Variants in TFR2 observed in about 807,000 individuals in gnomAD.
TFR2 encodes transferrin receptor 2.
A neutral mutation model predicts 91.9 loss-of-function variants in TFR2; 64 were observed. That is an observed-to-expected ratio of 0.70 (90% CI 0.57 to 0.86). The LOEUF is 0.86. Among genes scored for constraint, TFR2 ranks in the 40% least tolerant of loss-of-function variants. The pLI is 0.00. For synonymous variants in TFR2, 454 were observed against 459.6 expected, an observed-to-expected ratio of 0.99 and a Z score of 0.15; for missense variants, 950 against 1,080.5, an observed-to-expected ratio of 0.88 and a Z score of 1.69.
rs937837091 is a variant in TFR2, at chr7:100,632,733, A to G, written c.849+268T>C. The stretch of plus-strand genomic sequence containing the variant: ...CCAGCTAACTAAAAAAAAAAAAAAA[A>G]GAACCTTTTTTTTTTTTTTTTTTTT... On this transcript the variant is annotated intron_variant, in intron 6 of 17. Coordinates refer to ENST00000223051, the MANE Select transcript of TFR2 (RefSeq NM_003227.4). 1,784 of 312,286 alleles carry G rather than the reference A, an allele frequency of 5.7e-3. 7 individuals carry two copies. The highest frequency in any genetic ancestry group is 8.6e-3 in the Non-Finnish European group (1,464 of 170,034). 19.3% of individuals were successfully genotyped at this position (312,286 alleles called of 1,614,324 possible). A position where few individuals can be genotyped will look rare whatever the true frequency, so the allele number is the denominator to read the frequency against.
At chr7:100,621,339 C>T (rs1422183772) in intron 17 of TFR2, among the ~76,000 whole-genome samples, 1 of 152,164 alleles carries the variant, frequency 6.6e-6, no homozygotes, top group Non-Finnish European at 1.5e-5. Flanking sequence ...CTGCAACCTC[C>T]GCCTTCAGCG....
chr7:100,621,315 A>G (rs1432721843), intron 17 of TFR2, among the ~76,000 whole-genome samples, 189 bp from the exon 18 acceptor site: 1 of 152,084 alleles, frequency 6.6e-6, no homozygotes, highest in Non-Finnish European at 1.5e-5. Flanking sequence ...GTGCAGTGGC[A>G]CGATCTCGGC....
At chr7:100,641,383 AC>A in intron 1 of TFR2, 93 bp downstream of exon 1, 1 of 1,554,966 alleles carries the variant, frequency 6.4e-7, no homozygotes, top group South Asian at 1.2e-5. Flanking sequence ...AGGTCAGGAC[AC>A]GGTCCAGGAG....
chr7:100,621,323 G>A (rs1231834725), intron 17 of TFR2, among the ~76,000 whole-genome samples, 197 bp from the exon 18 acceptor site: 1 of 152,086 alleles, frequency 6.6e-6, no homozygotes, highest in Non-Finnish European at 1.5e-5. Context: ...GCACGATCTC[G>A]GCTCACTGCA....
At chr7:100,625,050 T>A (rs1051898799) in intron 17 of TFR2, among the ~76,000 whole-genome samples, 1 of 126,958 alleles carries the variant, frequency 7.9e-6, no homozygotes, top group Non-Finnish European at 1.6e-5. Context: ...TCTTTTTCTT[T>A]TTCTTTTTCT....
At chr7:100,636,287 T>C (rs2131323734) in intron 3 of TFR2, among the ~76,000 whole-genome samples, 1 of 150,616 alleles carries the variant, frequency 6.6e-6, no homozygotes, top group Admixed American at 6.7e-5. Context: ...GTGATTCTCC[T>C]GCCTCAGCCT....
rs1338312960 is a variant in TFR2, at chr7:100,627,830, G to A, written c.1606-10C>T. On this transcript the variant is annotated splice_polypyrimidine_tract_variant and intron_variant, in intron 13 of 17. Coordinates refer to ENST00000223051, the MANE Select transcript of TFR2 (RefSeq NM_003227.4). ...GGTTGGGAGAATCCACCTGGGGGTT[G>A]GGGAAGGGCACTGATCAGGCTCTGC... The A allele has an allele frequency of 6.2e-7, 1 of 1,614,084 alleles. No homozygotes were observed. Among genetic ancestry groups the A allele is most frequent in the African/African-American group, 1.3e-5 (1 of 75,004 alleles).
At chr7:100,641,264 A>C (rs1336999348) in intron 1 of TFR2, 36 bp from the exon 2 acceptor site, 2 of 1,446,142 alleles carry the variant, frequency 1.4e-6, no homozygotes, top group Admixed American at 2.3e-5. Flanking sequence ...TTGGGGCAAG[A>C]GGCCTGGGGG....
At position 100,633,242 on chromosome 7, in the gene TFR2, A is replaced by G. The variant is rs770478928; in HGVS notation, c.713T>C (p.Ile238Thr). ...DPDVYCPYSA[I>T]GNVTGELVYA... is the part of the protein sequence containing the mutation. Reference sequence around the variant, plus strand: ...GGGGGTGCTCACCGTGACGTTGCCGATGGCGCTGTAGGGGCAGTAGACGTC... The same window carrying G: ...GGGGGTGCTCACCGTGACGTTGCCGGTGGCGCTGTAGGGGCAGTAGACGTC... Residue 238 changes from isoleucine to threonine, a missense_variant, in exon 5 of 18, where the codon ATC (isoleucine) becomes ACC (threonine). Ile to Thr is a moderately conservative substitution (Grantham distance 89). Coordinates refer to ENST00000223051, the MANE Select transcript of TFR2 (RefSeq NM_003227.4). 1.2e-6 allele frequency: 2 copies of G among 1,613,538 alleles called. No individual in the cohort carries two copies. The highest frequency in any genetic ancestry group is 1.1e-5 in the South Asian group (1 of 91,082).
chr7:100,625,434 G>GTC (rs71889478), intron 17 of TFR2, among the ~76,000 whole-genome samples: 132,865 of 152,008 alleles, frequency 0.87, 58,398 homozygotes, highest in African/African-American at 0.96. Context: ...AAAGGTGGGT[G>GTC]TTTTTGTCTT....
At chr7:100,622,863 G>C (rs1431401897) in intron 17 of TFR2, among the ~76,000 whole-genome samples, 1 of 152,160 alleles carries the variant, frequency 6.6e-6, no homozygotes, top group Non-Finnish European at 1.5e-5. Context: ...GGAGGCTGAG[G>C]CACAAGAATA....
rs1162723452 is a variant in TFR2, at chr7:100,641,216, G to A, written c.46C>T (p.Pro16Ser). The change falls in exon 2 of 18, where the codon CCA becomes TCA. Residue 16 changes from proline to serine, a missense_variant. Pro to Ser is a moderately conservative substitution (Grantham distance 74). Coordinates refer to ENST00000223051, the MANE Select transcript of TFR2 (RefSeq NM_003227.4). ...TGGTAGACGGTCTGAGAGGATCTTGGGGACAGTTGTTGCTGTGCAGGCGAG... is the reference window on the plus strand; with the variant it reads ...TGGTAGACGGTCTGAGAGGATCTTGAGGACAGTTGTTGCTGTGCAGGCGAG... ...GLFQRAQQLS[P>S]RSSQTVYQRV... is the part of the protein sequence containing the mutation. 1 of 1,537,078 alleles carries A rather than the reference G, an allele frequency of 6.5e-7. No homozygotes were observed. The highest frequency in any genetic ancestry group is 1.2e-5 in the South Asian group (1 of 81,760).
At chr7:100,626,990 G>A in intron 16 of TFR2, 87 bp from the exon 17 acceptor site, 1 of 1,470,794 alleles carries the variant, frequency 6.8e-7, no homozygotes, top group Admixed American at 2.3e-5. Context: ...CCTAGCATGG[G>A]GAAGGGGGCT....
chr7:100,626,479 G>A (rs1460356565), intron 17 of TFR2: 2 of 1,309,478 alleles, frequency 1.5e-6, no homozygotes, highest in Admixed American at 3.5e-5. Context: ...CAGCGGGGAG[G>A]GGTGGGGGAG....
At chr7:100,634,373 A>G (rs979426360) in intron 3 of TFR2, among the ~76,000 whole-genome samples, 5 of 152,094 alleles carry the variant, frequency 3.3e-5, no homozygotes, top group African/African-American at 1.2e-4. Flanking sequence ...CTCCCGCCTC[A>G]GCCTCCTGAG....
intron 17 of TFR2, among the ~76,000 whole-genome samples, chr7:100,621,863 C>T (rs1308866515): frequency 2.6e-5 from 4 of 152,178 alleles, no homozygotes; most frequent in Non-Finnish European, 4.4e-5. Context: ...TTCTGCCAGC[C>T]TCTCCTAGTT....
intron 9 of TFR2, 69 bp downstream of exon 9, chr7:100,630,820 C>T (rs1803409598): frequency 6.2e-7 from 1 of 1,605,430 alleles, no homozygotes; most frequent in Non-Finnish European, 8.5e-7. Context: ...CCCTATCTTG[C>T]CAGGGTGTAT....
At chr7:100,640,385 A>T (rs1036706772) in intron 3 of TFR2, 1 of 408,986 alleles carries the variant, frequency 2.4e-6, no homozygotes, top group African/African-American at 2.0e-5. Flanking sequence ...TGGGTGAGGC[A>T]TTCAAGGCTT....
chr7:100,626,437 C>G, intron 17 of TFR2: 4 of 1,170,524 alleles, frequency 3.4e-6, no homozygotes, highest in Non-Finnish European at 4.2e-6. Context: ...CCAGAAGGGT[C>G]GAGGAGGCAG....
Sources: allele counts gnomAD v4.1 joint callset (sites outside exome capture counted in the v4.1 genomes callset), GRCh38; gene constraint gnomAD v4.1.1; transcripts MANE v1.5; gene names NCBI Gene and HGNC (gene_info 2026-07-23, HGNC 2026-07-21).